Variants in AUTS2 observed in about 807,000 individuals in gnomAD.
AUTS2 encodes the protein activator of transcription and developmental regulator AUTS2.
AUTS2 carries 17 observed loss-of-function variants against 112.4 expected under a neutral mutation model. The observed-to-expected ratio is 0.15, with a 90% CI of 0.10 to 0.23. The LOEUF is 0.23. Among genes scored for constraint, AUTS2 ranks in the 10% least tolerant of loss-of-function variants. The pLI is 1.00. For missense variants in AUTS2, 1,510 were observed against 1,701.6 expected (o/e 0.89, Z 1.98); for synonymous variants, 751 against 702.7 (o/e 1.07, Z -1.09).
chr7:69,889,356 AG>A (rs1325606009), intron 1 of AUTS2, among the ~76,000 whole-genome samples: 1 of 152,252 alleles, frequency 6.6e-6, no homozygotes, highest in African/African-American at 2.4e-5. Flanking sequence ...CACTGTAATA[AG>A]TACATTAATT....
intron 3 of AUTS2, among the ~76,000 whole-genome samples, chr7:70,132,225 T>A (rs547660146): frequency 2.7e-5 from 4 of 148,574 alleles, no homozygotes; most frequent in African/African-American, 9.9e-5. Context: ...TGGCTCCTGA[T>A]ACGAGACTCT....
At chr7:70,521,573 A>C (rs923631825) in intron 5 of AUTS2, among the ~76,000 whole-genome samples, 16 of 152,206 alleles carry the variant, frequency 1.1e-4, no homozygotes, top group African/African-American at 3.9e-4. Flanking sequence ...CTCTTTACTC[A>C]GTCCTACCTA....
intron 4 of AUTS2, chr7:70,290,392 G>A (rs1788654442): frequency 6.6e-7 from 1 of 1,519,174 alleles, no homozygotes; most frequent in South Asian, 1.3e-5. Context: ...GTGCCTTGGA[G>A]AGGAAGCATG....
At chr7:69,894,067 A>G (rs1466929572) in intron 1 of AUTS2, among the ~76,000 whole-genome samples, 1 of 152,130 alleles carries the variant, frequency 6.6e-6, no homozygotes, top group Non-Finnish European at 1.5e-5. Flanking sequence ...TAAAAATCAC[A>G]TAATTTCAAC....
chr7:69,670,228 A>G (rs1796253434), intron 1 of AUTS2, among the ~76,000 whole-genome samples: 1 of 152,182 alleles, frequency 6.6e-6, no homozygotes, highest in Admixed American at 6.5e-5. Context: ...TGAGCATGAC[A>G]GAGAATGGGC....
intron 5 of AUTS2, among the ~76,000 whole-genome samples, chr7:70,695,284 C>T (rs1809021944): frequency 6.6e-6 from 1 of 152,182 alleles, no homozygotes; most frequent in African/African-American, 2.4e-5. Context: ...CCGGGCTCGG[C>T]CGGAGCTGCG....
At chr7:70,016,301 T>C (rs1006032498) in intron 2 of AUTS2, among the ~76,000 whole-genome samples, 4 of 152,180 alleles carry the variant, frequency 2.6e-5, no homozygotes, top group African/African-American at 9.7e-5. Flanking sequence ...TCTATTATTA[T>C]ATATAATTGA....
At position 70,627,617 on chromosome 7, in the gene AUTS2, G is replaced by A. The variant is rs962269159; in HGVS notation, c.691-70952G>A. ...TTGCTCTAGTTTGGTAACTGCCCTC[G>A]TTCAGATGGAGCAGAGTTGGAATTT... On this transcript the variant is annotated intron_variant, in intron 5 of 18. Coordinates refer to ENST00000342771, the MANE Select transcript of AUTS2 (RefSeq NM_015570.4). Among the ~76,000 whole-genome samples the A allele has an allele frequency of 6.6e-5, 10 of 152,312 alleles. No individual in the cohort carries two copies. The South Asian group carries it at 8.3e-4, about 13-fold the overall frequency.
chr7:70,621,332 T>C (rs1804663560), intron 5 of AUTS2, among the ~76,000 whole-genome samples: 1 of 152,186 alleles, frequency 6.6e-6, no homozygotes, highest in Non-Finnish European at 1.5e-5. Flanking sequence ...GGTTCTCCCC[T>C]TTTTTTCTCC....
intron 5 of AUTS2, among the ~76,000 whole-genome samples, chr7:70,632,525 C>T (rs1469645033): frequency 1.3e-5 from 2 of 151,740 alleles, no homozygotes; most frequent in South Asian, 2.1e-4. Flanking sequence ...CTGCTGTCTG[C>T]AGGCACAGAT....
In AUTS2 at chr7:70,568,454, A is replaced by T. The variant is rs571188531; in HGVS notation, c.691-130115A>T. On this transcript the variant is annotated intron_variant, in intron 5 of 18. Transcript: ENST00000342771. ...AAGTGTTCGCAGTTGTTACTTTTTT[A>T]AATGTTTTTACTACTTTTGAAATTT... 9.2e-5 allele frequency among the ~76,000 whole-genome samples: 14 copies of T among 152,286 alleles called. No homozygotes were observed. In the South Asian group the frequency reaches 2.3e-3, roughly 25 times the overall value.
intron 2 of AUTS2, among the ~76,000 whole-genome samples, chr7:70,034,825 T>G (rs1330498686): frequency 1.3e-5 from 2 of 152,136 alleles, no homozygotes; most frequent in African/African-American, 4.8e-5. Context: ...CTCAGAACAA[T>G]TCTAATTTTT....
At chr7:69,687,165 C>T (rs1430411400) in intron 1 of AUTS2, among the ~76,000 whole-genome samples, 1 of 152,150 alleles carries the variant, frequency 6.6e-6, no homozygotes, top group East Asian at 1.9e-4. Flanking sequence ...TAAATATGCA[C>T]CACTGCGCAT....
At chr7:70,713,722 G>A (rs868618042) in intron 6 of AUTS2, among the ~76,000 whole-genome samples, 4 of 152,042 alleles carry the variant, frequency 2.6e-5, no homozygotes, top group African/African-American at 7.2e-5. Context: ...GTGAAACCCC[G>A]TTTCTACTAA....
rs1048543152 is a variant in AUTS2, at chr7:70,484,555, C to G, written c.690+48774C>G. 6.6e-5 allele frequency among the ~76,000 whole-genome samples: 10 copies of G among 152,168 alleles called. 1 individual carries two copies. Among genetic ancestry groups the G allele is most frequent in the Admixed American group, 5.9e-4 (9 of 15,280 alleles). On this transcript the variant is annotated intron_variant, in intron 5 of 18. Coordinates refer to ENST00000342771, the MANE Select transcript of AUTS2 (RefSeq NM_015570.4). ...GCTAGTTACCTCCCTCCTCAGTATC[C>G]TAGGGATAATTATGCCCTCCCCAGG... is the stretch of plus-strand genomic sequence containing the variant.
At chr7:69,967,282 A>G (rs962890644) in intron 2 of AUTS2, among the ~76,000 whole-genome samples, 1 of 150,996 alleles carries the variant, frequency 6.6e-6, no homozygotes, top group Non-Finnish European at 1.5e-5. Context: ...CCGTGGGAGT[A>G]GGGGTCAGAG....
Position 69,899,400 on chromosome 7 carries a change from C to A in AUTS2, c.424C>A (p.Leu142Ile). The change falls in exon 2 of 19, where the codon CTC becomes ATC. Residue 142 changes from leucine (L) to isoleucine (I), a missense_variant. Transcript: ENST00000342771. Reference sequence around the variant, plus strand: ...GTCCTTTCATTCAAAGAAGAGCAGACTCAGCCACCCACACCACTACAGCTC... The same window carrying A: ...GTCCTTTCATTCAAAGAAGAGCAGAATCAGCCACCCACACCACTACAGCTC... The part of the protein sequence containing the change: ...GLSFHSKKSR[L>I]SHPHHYSSDR... The A allele has an allele frequency of 1.9e-6, 3 of 1,614,026 alleles. No homozygotes were observed. The highest frequency in any genetic ancestry group is 2.5e-6 in the Non-Finnish European group (3 of 1,179,906).
At chr7:70,732,122 T>C (rs775915697) in intron 6 of AUTS2, among the ~76,000 whole-genome samples, 5 of 152,218 alleles carry the variant, frequency 3.3e-5, no homozygotes, top group Non-Finnish European at 7.3e-5. Context: ...TTCCTAAACA[T>C]GTGATTAATA....
chr7:70,434,144 G>T (rs1322796461), intron 4 of AUTS2, among the ~76,000 whole-genome samples: 1 of 152,128 alleles, frequency 6.6e-6, no homozygotes, highest in African/African-American at 2.4e-5. Flanking sequence ...TCTTTTCTTT[G>T]TTTACTGGGG....
Sources: allele counts gnomAD v4.1 joint callset (sites outside exome capture counted in the v4.1 genomes callset), GRCh38; gene constraint gnomAD v4.1.1; transcripts MANE v1.5; gene names NCBI Gene and HGNC (gene_info 2026-07-23, HGNC 2026-07-21).